The following DLG1 variants were observed in gnomAD, a reference collection of about 807,000 sequenced individuals.
DLG1 encodes disks large homolog 1.
Under a neutral mutation model 123.4 loss-of-function variants are expected in DLG1, and 42 were observed. The ratio of observed to expected loss-of-function variants is 0.34; its 90% confidence interval spans 0.27 to 0.44. DLG1 has a LOEUF of 0.44. Ranked by LOEUF, DLG1 falls within the 20% of genes least tolerant of loss-of-function variation. The pLI is 1.00. For synonymous variants in DLG1, 317 were observed against 356.2 expected (o/e 0.89, Z 1.24); for missense variants, 942 against 1,082.6 (o/e 0.87, Z 1.82).
chr3:197,162,834 G>T (rs1321558651), intron 5 of DLG1, among the ~76,000 whole-genome samples: 1 of 152,068 alleles, frequency 6.6e-6, no homozygotes, highest in African/African-American at 2.4e-5. Context: ...CATAAATGAT[G>T]AAAGAAAAAA....
chr3:197,045,773 T>G (rs1722590142), intron 24 of DLG1, among the ~76,000 whole-genome samples: 1 of 151,982 alleles, frequency 6.6e-6, no homozygotes, highest in Non-Finnish European at 1.5e-5. Context: ...TACATATAAA[T>G]GAAATAATTG....
At position 197,065,300 on chromosome 3, in the gene DLG1, C is replaced by A. The variant is rs774295386; in HGVS notation, c.2349G>T (p.Gln783His). 6.2e-7 allele frequency: 1 copy of A among 1,608,626 alleles called. No homozygotes were observed. Among genetic ancestry groups the A allele is most frequent in the South Asian group, 1.1e-5 (1 of 89,706 alleles). Residue 783 changes from glutamine (Q) to histidine (H), a missense_variant, in exon 22 of 25, where the codon CAG (glutamine) becomes CAT (histidine). Transcript: ENST00000667157. Reference protein sequence around the residue: ...YNNHLYGTSVQSVREVAEKGK... With the variant: ...YNNHLYGTSVHSVREVAEKGK... ...CCTTTTCTGCTACTTCTCGTACAGA[C>A]TGAACACTTGTTCCATATAGATGAT... is the stretch of plus-strand genomic sequence containing the variant.
intron 14 of DLG1, among the ~76,000 whole-genome samples, chr3:197,093,707 T>C (rs1211971670): frequency 6.6e-6 from 1 of 152,188 alleles, no homozygotes; most frequent in Non-Finnish European, 1.5e-5. Flanking sequence ...GAATTAACTT[T>C]TGATATAACT....
intron 15 of DLG1, among the ~76,000 whole-genome samples, chr3:197,087,718 G>A (rs1465594215): frequency 6.6e-6 from 1 of 152,176 alleles, no homozygotes; most frequent in Non-Finnish European, 1.5e-5. Context: ...AGCAGAGAGG[G>A]TTATAGAAAC....
intron 4 of DLG1, among the ~76,000 whole-genome samples, chr3:197,277,289 T>C (rs763346960): frequency 1.2e-4 from 18 of 152,060 alleles, no homozygotes; most frequent in Non-Finnish European, 2.5e-4. Flanking sequence ...CATCCTTTTC[T>C]ACTGAAATGT....
intron 14 of DLG1, among the ~76,000 whole-genome samples, chr3:197,102,357 G>GTA: frequency 6.6e-6 from 1 of 152,218 alleles, no homozygotes; most frequent in South Asian, 2.1e-4. Flanking sequence ...TGTCTTGTAT[G>GTA]TATATATATA....
intron 24 of DLG1, among the ~76,000 whole-genome samples, chr3:197,049,066 T>G (rs1318078075): frequency 6.6e-6 from 1 of 152,116 alleles, no homozygotes; most frequent in African/African-American, 2.4e-5. Flanking sequence ...CACCTGTAAT[T>G]CCAGCACTCT....
In DLG1 at chr3:197,140,170, C is replaced by G; in HGVS notation, c.683G>C (p.Gly228Ala). The G allele has an allele frequency of 1.2e-6, 2 of 1,613,374 alleles. No homozygotes were observed. The highest frequency in any genetic ancestry group is 1.3e-5 in the African/African-American group (1 of 74,974). The change falls in exon 8 of 25, where the codon GGG becomes GCG. Residue 228 changes from glycine (G) to alanine (A), a missense_variant. Transcript: ENST00000667157. ...TCTTCCATCTTGGGCGGCTGCTCCC[C>G]CTGTGATAATTTTGGTAATGAAAAT... The part of the protein sequence containing the change: ...SSIFITKIIT[G>A]GAAAQDGRLR...
chr3:197,159,872 A>G (rs1259322395), intron 5 of DLG1, among the ~76,000 whole-genome samples: 3 of 152,230 alleles, frequency 2.0e-5, no homozygotes, highest in African/African-American at 7.2e-5. Flanking sequence ...CTCATTTAAA[A>G]AAACAAAACA....
chr3:197,248,304 G>A lies in DLG1; in HGVS notation c.318+34375C>T, dbSNP rs548478699. On this transcript the variant is annotated intron_variant, in intron 4 of 24. Transcript: ENST00000667157. ...CTGTGCAGAGTTACTTGGTTGCTGC[G>A]GTATCTACTTGTAGGACTTTTCTTC... 5.3e-5 allele frequency among the ~76,000 whole-genome samples: 8 copies of A among 152,072 alleles called. 1 individual carries two copies. The highest frequency in any genetic ancestry group is 4.1e-4 in the South Asian group (2 of 4,820).
intron 14 of DLG1, among the ~76,000 whole-genome samples, chr3:197,095,724 C>A (rs1760283745): frequency 6.6e-6 from 1 of 152,104 alleles, no homozygotes; most frequent in South Asian, 2.1e-4. Flanking sequence ...GTGTACAATT[C>A]TCCATTCTCA....
chr3:197,267,165 T>C (rs1762021875), intron 4 of DLG1, among the ~76,000 whole-genome samples: 1 of 152,188 alleles, frequency 6.6e-6, no homozygotes, highest in African/African-American at 2.4e-5. Flanking sequence ...TGGATATTTA[T>C]AATATTCACT....
chr3:197,251,958 C>A (rs1490926479), intron 4 of DLG1, among the ~76,000 whole-genome samples: 1 of 152,134 alleles, frequency 6.6e-6, no homozygotes, highest in African/African-American at 2.4e-5. Context: ...GTTAGAAGAT[C>A]TTTTTGATAA....
Position 197,282,767 on chromosome 3 carries a change from T to A in DLG1, c.230A>T (p.Gln77Leu). 2 of 1,612,238 alleles carry A rather than the reference T, an allele frequency of 1.2e-6. No individual in the cohort carries two copies. The highest frequency in any genetic ancestry group is 1.7e-6 in the Non-Finnish European group (2 of 1,178,892). Residue 77 changes from glutamine to leucine, a missense_variant, in exon 4 of 25, where the codon CAA (glutamine) becomes CTA (leucine). Gln to Leu is a moderately radical substitution (Grantham distance 113). Coordinates refer to ENST00000667157, the MANE Select transcript of DLG1 (RefSeq NM_001366207.1). ...IDRSKPSEPI[Q>L]PVNTWEISSL... The stretch of plus-strand genomic sequence containing the variant: ...GGAAATCTCCCAAGTATTCACAGGT[T>A]GAATTGGTTCAGACGGCTTTGAACG...
At position 197,055,256 on chromosome 3, in the gene DLG1, C is replaced by T. The variant is rs139809549; in HGVS notation, c.2484-3588G>A. Among the ~76,000 whole-genome samples the T allele has an allele frequency of 8.5e-3, 1,290 of 152,294 alleles. 16 individuals carry two copies. Among genetic ancestry groups the T allele is most frequent in the Middle Eastern group, 0.017 (5 of 294 alleles). On this transcript the variant is annotated intron_variant, in intron 23 of 24. Coordinates refer to ENST00000667157, the MANE Select transcript of DLG1 (RefSeq NM_001366207.1). ...ATGAGCCACTGCGCTGGGCCTATCA[C>T]TTTCTTGAGACTTTGTCCATGTCTT...
chr3:197,231,723 AAAC>A (rs1265786849), intron 4 of DLG1, among the ~76,000 whole-genome samples: 1 of 151,894 alleles, frequency 6.6e-6, no homozygotes, highest in Non-Finnish European at 1.5e-5. Flanking sequence ...ACAAAAAACA[AAAC>A]AACAAAAACC....
intron 4 of DLG1, chr3:197,282,468 C>T (rs1476800928): frequency 3.0e-6 from 1 of 338,634 alleles, no homozygotes; most frequent in Non-Finnish European, 5.2e-6. Flanking sequence ...AGACTTCAAA[C>T]ATTCATAACA....
rs764604381 is a variant in DLG1 at position 197,142,781 on chromosome 3, A to T, written c.538-13T>A. 7.5e-6 allele frequency: 12 copies of T among 1,598,120 alleles called. No homozygotes were observed. The Admixed American group carries it at 2.1e-4, about 29-fold the overall frequency. Reference sequence around the variant, plus strand: ...CTGTGCCATTAACCTACAGGGGAAAAGAAAAGCAGCTCAGAAACTTCAGAG... The same window carrying T: ...CTGTGCCATTAACCTACAGGGGAAATGAAAAGCAGCTCAGAAACTTCAGAG... On this transcript the variant is annotated splice_polypyrimidine_tract_variant and intron_variant, in intron 6 of 24. Transcript: ENST00000667157.
At chr3:197,061,885 G>A (rs1249283854) in intron 22 of DLG1, among the ~76,000 whole-genome samples, 1 of 152,118 alleles carries the variant, frequency 6.6e-6, no homozygotes. Flanking sequence ...TAACTGATAA[G>A]TATTTTGGGG....
Sources: allele counts gnomAD v4.1 joint callset (sites outside exome capture counted in the v4.1 genomes callset), GRCh38; gene constraint gnomAD v4.1.1; transcripts MANE v1.5; gene names NCBI Gene and HGNC (gene_info 2026-07-23, HGNC 2026-07-21).